Variants in KLHL32 observed in about 807,000 individuals in gnomAD.
KLHL32 encodes kelch like family member 32.
Under a neutral mutation model 64.8 loss-of-function variants are expected in KLHL32, and 35 were observed. The observed-to-expected ratio is 0.54, with a 90% CI of 0.41 to 0.72. The LOEUF is 0.72. Ranked by LOEUF, KLHL32 falls within the 30% of genes least tolerant of loss-of-function variation. The pLI is 0.00. For missense variants in KLHL32, 589 were observed against 768.5 expected, an observed-to-expected ratio of 0.77 and a Z score of 2.76; for synonymous variants, 259 against 281.0, an observed-to-expected ratio of 0.92 and a Z score of 0.78.
intron 4 of KLHL32, among the ~76,000 whole-genome samples, chr6:97,057,172 CTTTTTTTTTTTTTTT>C (rs199552121): frequency 3.1e-5 from 2 of 65,016 alleles, no homozygotes; most frequent in Non-Finnish European, 5.3e-5. Flanking sequence ...ATGTGAGTAT[CTTTTTTTTTTTTTTT>C]TTTTTTTTTT....
At chr6:96,977,962 T>C (rs1247096773) in intron 3 of KLHL32, among the ~76,000 whole-genome samples, 1 of 152,202 alleles carries the variant, frequency 6.6e-6, no homozygotes, top group African/African-American at 2.4e-5. Context: ...TCACTCACAT[T>C]GTCAGGTATT....
chr6:97,087,219 T>C (rs1272503881), intron 6 of KLHL32, among the ~76,000 whole-genome samples: 1 of 152,254 alleles, frequency 6.6e-6, no homozygotes, highest in Non-Finnish European at 1.5e-5. Context: ...TTTTGCTTTA[T>C]CTTAGTAAAT....
chr6:96,956,110 T>C (rs1309416151), intron 1 of KLHL32, among the ~76,000 whole-genome samples: 1 of 152,066 alleles, frequency 6.6e-6, no homozygotes, highest in East Asian at 1.9e-4. Context: ...GTGCTGGGAA[T>C]CTCCCCTTTT....
intron 1 of KLHL32, among the ~76,000 whole-genome samples, chr6:96,964,102 C>T (rs922678549): frequency 1.3e-5 from 2 of 152,196 alleles, no homozygotes; most frequent in African/African-American, 4.8e-5. Flanking sequence ...CAACTCTGGC[C>T]TTTTTTCATA....
At chr6:97,085,048 C>T (rs1793182381) in intron 5 of KLHL32, 78 bp from the exon 6 acceptor site, 1 of 1,233,232 alleles carries the variant, frequency 8.1e-7, no homozygotes, top group Non-Finnish European at 1.2e-6. Context: ...CTTAGTGAGT[C>T]AATCTGAATT....
chr6:97,010,196 C>T (rs1364496241), intron 3 of KLHL32: 1 of 149,024 alleles, frequency 6.7e-6, no homozygotes, highest in African/African-American at 2.5e-5. Context: ...ATGCCATGCT[C>T]CTGGTTCACT....
At chr6:97,036,182 T>C (rs953416775) in intron 3 of KLHL32, among the ~76,000 whole-genome samples, 2 of 152,218 alleles carry the variant, frequency 1.3e-5, no homozygotes, top group African/African-American at 4.8e-5. Flanking sequence ...TTTGTTTGCT[T>C]CATTTTTGTG....
chr6:97,068,333 A>G (rs934952088), intron 5 of KLHL32, among the ~76,000 whole-genome samples: 2 of 152,208 alleles, frequency 1.3e-5, no homozygotes, highest in African/African-American at 4.8e-5. Context: ...AGACTTTTCA[A>G]ATAAAACCAC....
At chr6:97,073,358 T>G (rs1428448406) in intron 5 of KLHL32, among the ~76,000 whole-genome samples, 1 of 152,192 alleles carries the variant, frequency 6.6e-6, no homozygotes, top group Non-Finnish European at 1.5e-5. Context: ...AACCGTCACT[T>G]TCTTTCTGCC....
chr6:96,990,503 T>C (rs747209298), intron 3 of KLHL32, among the ~76,000 whole-genome samples: 13 of 152,200 alleles, frequency 8.5e-5, no homozygotes, highest in Non-Finnish European at 1.8e-4. Context: ...AAAGTGTAGT[T>C]TCTTCTCCCA....
chr6:96,936,000 A>T (rs1770550928), intron 1 of KLHL32, among the ~76,000 whole-genome samples: 1 of 152,118 alleles, frequency 6.6e-6, no homozygotes. Context: ...GTATCCCAAC[A>T]TTGATTGGGC....
intron 5 of KLHL32, among the ~76,000 whole-genome samples, chr6:97,073,795 C>G (rs1369240585): frequency 6.6e-6 from 1 of 152,132 alleles, no homozygotes; most frequent in East Asian, 1.9e-4. Context: ...TCATTTCCCT[C>G]CAGCTGTCTT....
chr6:96,999,549 T>TA, intron 3 of KLHL32: 1 of 980,060 alleles, frequency 1.0e-6, no homozygotes, highest in Non-Finnish European at 1.2e-6. Flanking sequence ...TATAAAAAGG[T>TA]AAAAATCCAG....
intron 2 of KLHL32, among the ~76,000 whole-genome samples, chr6:96,970,955 G>A (rs112755916): frequency 0.024 from 3,619 of 152,124 alleles, 103 homozygotes; most frequent in African/African-American, 0.068. Context: ...CATAATTTAA[G>A]TGATTTAAGA....
intron 3 of KLHL32, among the ~76,000 whole-genome samples, chr6:97,011,058 G>A (rs1780345960): frequency 6.6e-6 from 1 of 152,166 alleles, no homozygotes; most frequent in Non-Finnish European, 1.5e-5. Context: ...CTTCCCAGTG[G>A]ACCATTATTT....
chr6:96,916,558 C>A, the KLHL32 span, among the ~76,000 whole-genome samples: 1 of 152,146 alleles, frequency 6.6e-6, no homozygotes, highest in African/African-American at 2.4e-5. Flanking sequence ...TAATTTATCA[C>A]CCTCTGTTAA....
intron 3 of KLHL32, among the ~76,000 whole-genome samples, chr6:97,038,916 C>A (rs1784686105): frequency 6.6e-6 from 1 of 151,394 alleles, no homozygotes; most frequent in Admixed American, 6.6e-5. Flanking sequence ...CATGGTGAAA[C>A]CCCGCTCTAC....
chr6:97,002,020 A>C lies in KLHL32; in HGVS notation c.204+25843A>C, dbSNP rs1310612995. Among the ~76,000 whole-genome samples the C allele has an allele frequency of 4.6e-5, 7 of 152,218 alleles. No individual in the cohort carries two copies. The East Asian group carries it at 1.3e-3, about 29-fold the overall frequency. On this transcript the variant is annotated intron_variant, in intron 3 of 10. Coordinates refer to ENST00000369261, the MANE Select transcript of KLHL32 (RefSeq NM_052904.4). ...ACTCTACTGTAAAGAACTGGCTTAC[A>C]TGATTATGGAACCTGAGAAGTCCTT...
chr6:96,989,815 C>A (rs1379135193), intron 3 of KLHL32, among the ~76,000 whole-genome samples: 1 of 152,036 alleles, frequency 6.6e-6, no homozygotes, highest in Non-Finnish European at 1.5e-5. Context: ...TTTTGGCTGA[C>A]TGAATTAGTT....
Sources: allele counts gnomAD v4.1 joint callset (sites outside exome capture counted in the v4.1 genomes callset), GRCh38; gene constraint gnomAD v4.1.1; transcripts MANE v1.5; gene names NCBI Gene and HGNC (gene_info 2026-07-23, HGNC 2026-07-21).